The following MEIS2 variants were observed in gnomAD, a reference collection of about 807,000 sequenced individuals.
MEIS2 encodes the protein Meis homeobox 2.
A neutral mutation model predicts 58.6 loss-of-function variants in MEIS2; 9 were observed. The observed-to-expected ratio is 0.15, with a 90% confidence interval of 0.09 to 0.27. The LOEUF (loss-of-function observed/expected upper bound fraction) is 0.27. MEIS2 is among the 10% of genes least tolerant of loss of function. MEIS2 has a pLI of 1.00. For synonymous variants in MEIS2, 221 were observed against 228.4 expected (o/e 0.97, Z 0.29); for missense variants, 427 against 635.0 (o/e 0.67, Z 3.52).
At chr15:37,079,620 C>G (rs993860160) in intron 7 of MEIS2, among the ~76,000 whole-genome samples, 1 of 152,074 alleles carries the variant, frequency 6.6e-6, no homozygotes, top group Non-Finnish European at 1.5e-5. Context: ...ATTTGCTTAC[C>G]TATAAACACT....
chr15:36,957,296 A>T (rs188348349), intron 8 of MEIS2, among the ~76,000 whole-genome samples: 1 of 152,328 alleles, frequency 6.6e-6, no homozygotes, highest in African/African-American at 2.4e-5. Flanking sequence ...ATACCTGAAA[A>T]ACACATTTAG....
intron 8 of MEIS2, among the ~76,000 whole-genome samples, chr15:36,995,146 CA>C (rs912350722): frequency 6.6e-6 from 1 of 152,214 alleles, no homozygotes; most frequent in South Asian, 2.1e-4. Flanking sequence ...AACGATGCAA[CA>C]AACGTCTCTG....
chr15:36,905,296 A>C (rs962628961), intron 9 of MEIS2, among the ~76,000 whole-genome samples: 10 of 152,168 alleles, frequency 6.6e-5, no homozygotes, highest in Admixed American at 1.3e-4. Flanking sequence ...GCCAGAAACA[A>C]AGGAGAAAAG....
At chr15:36,916,904 T>G (rs1187450519) in intron 9 of MEIS2, among the ~76,000 whole-genome samples, 1 of 152,238 alleles carries the variant, frequency 6.6e-6, no homozygotes, top group Non-Finnish European at 1.5e-5. Flanking sequence ...ATCCCCATTT[T>G]CTGGTTGGGG....
chr15:36,970,868 T>G (rs1367159177), intron 8 of MEIS2, among the ~76,000 whole-genome samples: 1 of 152,222 alleles, frequency 6.6e-6, no homozygotes, highest in Admixed American at 6.5e-5. Flanking sequence ...GGGAGGGCAC[T>G]GTGTCACGTT....
chr15:36,947,590 T>C (rs963493680), intron 9 of MEIS2, among the ~76,000 whole-genome samples: 1 of 151,994 alleles, frequency 6.6e-6, no homozygotes, highest in Non-Finnish European at 1.5e-5. Flanking sequence ...AAGTCTTCCA[T>C]GATTGTCTGA....
intron 8 of MEIS2, among the ~76,000 whole-genome samples, chr15:37,010,777 TG>T (rs2061122644): frequency 6.6e-6 from 1 of 152,214 alleles, no homozygotes; most frequent in African/African-American, 2.4e-5. Context: ...GGGTTGAGGG[TG>T]GATTTATTGC....
intron 10 of MEIS2, among the ~76,000 whole-genome samples, chr15:36,896,168 G>A (rs1404136988): frequency 1.3e-5 from 2 of 152,310 alleles, no homozygotes; most frequent in East Asian, 3.9e-4. Flanking sequence ...AAATAATGGT[G>A]GCAATGCAGC....
intron 9 of MEIS2, among the ~76,000 whole-genome samples, chr15:36,923,613 T>C (rs1567057816): frequency 1.3e-5 from 2 of 152,322 alleles, no homozygotes; most frequent in Non-Finnish European, 2.9e-5. Context: ...CTAGCTGAGA[T>C]TCTTTAGTAT....
In MEIS2 at chr15:37,098,850, T is replaced by A. The variant is rs925627386; in HGVS notation, c.12+605A>T. 10 of 943,044 alleles carry A rather than the reference T, an allele frequency of 1.1e-5. No individual in the cohort carries two copies. In the African/African-American group the frequency reaches 1.4e-4, roughly 13 times the overall value. The allele number at this position is 943,044 out of a possible 1,614,324, so 58.4% of individuals were successfully genotyped here. A position where few individuals can be genotyped will look rare whatever the true frequency, so the allele number is the denominator to read the frequency against. ...ACTAGGAAAGACTAGGGCCAGTGCC[T>A]CCCCGGGGGCAGGGAGCGGAGGGTG... On this transcript the variant is annotated intron_variant, in intron 1 of 11. Transcript: ENST00000561208.
chr15:36,933,139 C>G (rs2058042472), intron 9 of MEIS2, among the ~76,000 whole-genome samples: 1 of 152,154 alleles, frequency 6.6e-6, no homozygotes, highest in South Asian at 2.1e-4. Flanking sequence ...AGTCTCAAAG[C>G]TGTAATCCTG....
intron 8 of MEIS2, among the ~76,000 whole-genome samples, chr15:36,971,930 T>C (rs375863890): frequency 1.3e-5 from 2 of 152,344 alleles, no homozygotes; most frequent in East Asian, 3.9e-4. Flanking sequence ...CACTGATCCC[T>C]GTCATCCTCG....
intron 7 of MEIS2, among the ~76,000 whole-genome samples, chr15:37,062,941 G>T (rs1889416691): frequency 6.6e-6 from 1 of 152,162 alleles, no homozygotes; most frequent in African/African-American, 2.4e-5. Context: ...CGTCTCTTCA[G>T]TATGGCAATT....
At chr15:36,942,564 A>G (rs10518918) in intron 9 of MEIS2, among the ~76,000 whole-genome samples, 9,879 of 152,222 alleles carry the variant, frequency 0.065, 720 homozygotes, top group East Asian at 0.17. Flanking sequence ...TAGGACCTAC[A>G]TTTACTCATT....
At chr15:36,920,526 T>G (rs2057464492) in intron 9 of MEIS2, among the ~76,000 whole-genome samples, 1 of 152,226 alleles carries the variant, frequency 6.6e-6, no homozygotes, top group Non-Finnish European at 1.5e-5. Flanking sequence ...GGGAGAATGA[T>G]GCAGAACCTG....
chr15:37,089,239 A>G (rs936371365), intron 6 of MEIS2, among the ~76,000 whole-genome samples: 1 of 152,134 alleles, frequency 6.6e-6, no homozygotes, highest in Admixed American at 6.5e-5. Context: ...AGAAACTAGC[A>G]AATAAAATAA....
At chr15:36,898,632 T>C (rs889800726) in intron 9 of MEIS2, 1 of 152,168 alleles carries the variant, frequency 6.6e-6, no homozygotes, top group Non-Finnish European at 1.5e-5. Flanking sequence ...TCTCTCCAGT[T>C]CCCCCAAACA....
Position 37,096,281 on chromosome 15 carries a change from G to A in MEIS2, c.387+8C>T, listed in dbSNP as rs745501200. ...TGCCCGAAGTTGAGTGGATCAAGAA[G>A]GCTGGACCTGCTTGGCGAAGACCGC... On this transcript the variant is annotated splice_region_variant and intron_variant, in intron 3 of 11. Transcript: ENST00000561208. 12 of 1,598,940 alleles carry A rather than the reference G, an allele frequency of 7.5e-6. No individual in the cohort carries two copies. The highest frequency in any genetic ancestry group is 1.7e-5 in the Admixed American group (1 of 58,436).
At chr15:37,056,972 A>G (rs1312587489) in intron 7 of MEIS2, among the ~76,000 whole-genome samples, 1 of 152,238 alleles carries the variant, frequency 6.6e-6, no homozygotes, top group African/African-American at 2.4e-5. Flanking sequence ...CACAGTACAT[A>G]AAATACAAAT....
Sources: gnomAD v4.1 joint callset for allele counts (sites outside exome capture counted in the v4.1 genomes callset) on GRCh38, gnomAD v4.1.1 for gene constraint, MANE v1.5 for transcripts, NCBI Gene and HGNC (gene_info 2026-07-23, HGNC 2026-07-21) for gene names.